ABHD12: variants seen among roughly 807,000 people sequenced by gnomAD.
The protein encoded by ABHD12 is lysophosphatidylserine lipase ABHD12.
ABHD12 carries 43 observed loss-of-function variants against 58.3 expected under a neutral mutation model. The observed-to-expected ratio is 0.74, with a 90% confidence interval of 0.58 to 0.95. The LOEUF (loss-of-function observed/expected upper bound fraction) is 0.95, where lower values mean the gene tolerates loss of function less well. Among genes scored for constraint, ABHD12 ranks in the 40% least tolerant of loss-of-function variants. The pLI is 0.00. For missense variants in ABHD12, 539 were observed against 537.2 expected (o/e 1.00, Z -0.03); for synonymous variants, 219 against 211.2 (o/e 1.04, Z -0.32).
intron 1 of ABHD12, among the ~76,000 whole-genome samples, chr20:25,366,126 T>C (rs891701376): frequency 9.2e-5 from 14 of 152,228 alleles, no homozygotes; most frequent in African/African-American, 1.7e-4. Context: ...ATATTTTTCA[T>C]TGGGCCTTGA....
chr20:25,299,364 C>G (rs944925023), downstream of ABHD12, among the ~76,000 whole-genome samples: 5 of 152,052 alleles, frequency 3.3e-5, no homozygotes, highest in Non-Finnish European at 5.9e-5. Context: ...TGTGCCACTG[C>G]ACTCCAGCCT....
At chr20:25,330,728 C>T (rs994998005) in intron 2 of ABHD12, among the ~76,000 whole-genome samples, 1 of 152,146 alleles carries the variant, frequency 6.6e-6, no homozygotes, top group Non-Finnish European at 1.5e-5. Flanking sequence ...CGGCTGGGTA[C>T]TCCAACAGAC....
At chr20:25,307,788 G>T (rs1407750476) in intron 9 of ABHD12, among the ~76,000 whole-genome samples, 178 bp downstream of exon 9, 4 of 152,186 alleles carry the variant, frequency 2.6e-5, no homozygotes, top group Non-Finnish European at 5.9e-5. Context: ...CTGGCTGCAG[G>T]TTATACTTCT....
rs10966 is a variant in ABHD12 at position 25,302,308 on chromosome 20, A to T, written c.1068T>A (p.Asp356Glu). The stretch of plus-strand genomic sequence containing the variant: ...GAAAGGGCACAAACTGAACTTTGAA[A>T]TCTCGGAAGCTTCGAGCTGGTGCGG... ...SIAAPARSFR[D>E]FKVQFVPFHS... The change falls in exon 12 of 13, where the codon GAT (aspartate) becomes GAA (glutamate). Residue 356 changes from aspartate to glutamate, a missense_variant. Transcript: ENST00000339157. 1.9e-6 allele frequency: 3 copies of T among 1,613,536 alleles called. No individual in the cohort carries two copies. Among genetic ancestry groups the T allele is most frequent in the Non-Finnish European group, 2.5e-6 (3 of 1,179,946 alleles).
In ABHD12 at chr20:25,390,518, C is replaced by T; in HGVS notation, c.186G>A (p.Leu62=). 6.8e-7 allele frequency: 1 copy of T among 1,463,510 alleles called. No homozygotes were observed. 90.7% of individuals were successfully genotyped at this position (1,463,510 alleles called of 1,614,324 possible). A position where few individuals can be genotyped will look rare whatever the true frequency, so the allele number is the denominator to read the frequency against. ...CGCTCCGCGCGAAGCCTCACCTGCC[C>T]AGCGCCCGCTTCATTCCCGCGTCGG... is the stretch of plus-strand genomic sequence containing the variant. ...CAADAGMKRA[L]GRRKGVWLRL... The change falls in exon 1 of 13, where the codon CTG becomes CTA. Residue 62 remains leucine, a synonymous_variant. Coordinates refer to ENST00000339157, the MANE Select transcript of ABHD12 (RefSeq NM_001042472.3).
chr20:25,361,158 G>A (rs1013435263), intron 1 of ABHD12, among the ~76,000 whole-genome samples: 3 of 152,176 alleles, frequency 2.0e-5, no homozygotes, highest in Admixed American at 6.5e-5. Context: ...GAAGCTTGCC[G>A]TCTGCAACCA....
intron 1 of ABHD12, among the ~76,000 whole-genome samples, chr20:25,349,764 T>C (rs1223720039): frequency 1.3e-5 from 2 of 152,148 alleles, no homozygotes; most frequent in Non-Finnish European, 2.9e-5. Flanking sequence ...TGGGGAGGTA[T>C]TGCTTAACGG....
intron 2 of ABHD12, among the ~76,000 whole-genome samples, chr20:25,337,416 T>C (rs563674037): frequency 6.6e-6 from 1 of 152,352 alleles, no homozygotes; most frequent in South Asian, 2.1e-4. Context: ...TCCCATGCCA[T>C]GGGGCTGGAC....
chr20:25,356,474 G>C (rs997156056), intron 1 of ABHD12, among the ~76,000 whole-genome samples: 1 of 152,258 alleles, frequency 6.6e-6, no homozygotes, highest in African/African-American at 2.4e-5. Context: ...GGACTGGGAG[G>C]TGTGGGCCTT....
chr20:25,331,901 T>C (rs1251399389), intron 2 of ABHD12, among the ~76,000 whole-genome samples: 2 of 151,532 alleles, frequency 1.3e-5, no homozygotes, highest in African/African-American at 4.9e-5. Context: ...CATCAACTAA[T>C]GAGCAAAATA....
intron 1 of ABHD12, among the ~76,000 whole-genome samples, chr20:25,353,635 C>T (rs1290810225): frequency 3.9e-5 from 6 of 152,166 alleles, no homozygotes; most frequent in South Asian, 2.1e-4. Context: ...TTAGCTTCTA[C>T]CCCCGGCAGG....
At chr20:25,326,510 A>G (rs780371945) in intron 2 of ABHD12, among the ~76,000 whole-genome samples, 18 of 152,220 alleles carry the variant, frequency 1.2e-4, no homozygotes, top group Non-Finnish European at 2.5e-4. Context: ...ATAGAAACCC[A>G]TGGCTGGACT....
chr20:25,307,009 A>G, intron 9 of ABHD12, 94 bp from the exon 10 acceptor site: 1 of 935,646 alleles, frequency 1.1e-6, no homozygotes, highest in East Asian at 2.6e-5. Flanking sequence ...GAAATCTATA[A>G]GGCGTTGCCC....
At chr20:25,377,021 C>T (rs185414011) in intron 1 of ABHD12, among the ~76,000 whole-genome samples, 1 of 152,348 alleles carries the variant, frequency 6.6e-6, no homozygotes, top group African/African-American at 2.4e-5. Context: ...TATGACATCT[C>T]CCAGGCGACC....
intron 2 of ABHD12, among the ~76,000 whole-genome samples, chr20:25,336,232 T>C (rs889026442): frequency 6.6e-6 from 1 of 152,036 alleles, no homozygotes; most frequent in South Asian, 2.1e-4. Flanking sequence ...AAAAGGTCAG[T>C]AGGAAATAAA....
downstream of ABHD12, among the ~76,000 whole-genome samples, chr20:25,299,111 C>CTAGTA (rs1359410154): frequency 6.6e-6 from 1 of 152,234 alleles, no homozygotes; most frequent in Non-Finnish European, 1.5e-5. Flanking sequence ...AAAAAAGACA[C>CTAGTA]TAGTAGCTTG....
intron 1 of ABHD12, among the ~76,000 whole-genome samples, chr20:25,357,605 A>G (rs1055095762): frequency 9.9e-5 from 15 of 152,220 alleles, no homozygotes; most frequent in Non-Finnish European, 1.8e-4. Context: ...GAAAGTAAGA[A>G]TTTATAAAAA....
chr20:25,345,080 C>G (rs142602287), intron 1 of ABHD12, among the ~76,000 whole-genome samples: 1 of 151,210 alleles, frequency 6.6e-6, no homozygotes, highest in Admixed American at 6.6e-5. Flanking sequence ...TTGGGTATGA[C>G]GAAGACTTTT....
At chr20:25,375,862 C>T (rs916740912) in intron 1 of ABHD12, among the ~76,000 whole-genome samples, 3 of 152,296 alleles carry the variant, frequency 2.0e-5, no homozygotes, top group East Asian at 3.9e-4. Flanking sequence ...GTGGCTCACA[C>T]CTGTAATCCC....
Sources: allele counts gnomAD v4.1 joint callset (sites outside exome capture counted in the v4.1 genomes callset), GRCh38; gene constraint gnomAD v4.1.1; transcripts MANE v1.5; gene names NCBI Gene and HGNC (gene_info 2026-07-23, HGNC 2026-07-21).